GABPB1: variants seen among roughly 807,000 people sequenced by gnomAD.
GABPB1 encodes GA binding protein transcription factor subunit beta 1.
Under a neutral mutation model 45.9 loss-of-function variants are expected in GABPB1, and 15 were observed. The observed-to-expected ratio is 0.33, with a 90% CI of 0.22 to 0.50. GABPB1 has a LOEUF of 0.50. Among genes scored for constraint, GABPB1 ranks in the 20% least tolerant of loss-of-function variants. The pLI is 0.98. For missense variants in GABPB1, 252 were observed against 457.5 expected (o/e 0.55, Z 4.10); for synonymous variants, 143 against 154.4 (o/e 0.93, Z 0.55).
chr15:50,331,709 G>A (rs201319452), intron 1 of GABPB1, among the ~76,000 whole-genome samples: 1 of 152,270 alleles, frequency 6.6e-6, no homozygotes. Context: ...TGAAACAAGC[G>A]TACTAGTTAG....
At chr15:50,338,766 G>A (rs1439635324) in intron 1 of GABPB1, among the ~76,000 whole-genome samples, 6 of 152,100 alleles carry the variant, frequency 3.9e-5, no homozygotes, top group Non-Finnish European at 5.9e-5. Flanking sequence ...CACCACACCC[G>A]GCCTAAACCT....
chr15:50,289,686 A>AAAACTCAGC lies in GABPB1; in HGVS notation c.698-27_698-19dup. On this transcript the variant is annotated intron_variant, in intron 6 of 8. Coordinates refer to ENST00000380877, the MANE Select transcript of GABPB1 (RefSeq NM_016654.5). ...GGCCACTACTGGAAAAAAAAAAAAG[A>AAAACTCAGC]AAACTCAGCAAACATATGTAACGGT... 6.4e-7 allele frequency: 1 copy of AAAACTCAGC among 1,561,732 alleles called. No homozygotes were observed. The highest frequency in any genetic ancestry group is 8.7e-7 in the Non-Finnish European group (1 of 1,153,146).
intron 1 of GABPB1, chr15:50,353,286 T>A (rs1056512230): frequency 6.6e-6 from 1 of 152,190 alleles, no homozygotes; most frequent in South Asian, 2.1e-4. Context: ...AAAAAAAGTA[T>A]GGGAATCAAT....
intron 1 of GABPB1, among the ~76,000 whole-genome samples, chr15:50,329,427 G>GACTT (rs1490726197): frequency 6.6e-6 from 1 of 152,030 alleles, no homozygotes; most frequent in Admixed American, 6.6e-5. Context: ...TTCACATAAA[G>GACTT]ACTTACTGCC....
chr15:50,329,096 C>A (rs1020693325), intron 1 of GABPB1, among the ~76,000 whole-genome samples: 8 of 152,106 alleles, frequency 5.3e-5, no homozygotes, highest in East Asian at 1.9e-4. Context: ...GGTTTTGGCA[C>A]AAGAATGTTC....
chr15:50,301,513 GAC>G lies in GABPB1; in HGVS notation c.472-147_472-146del, dbSNP rs2046746245. 4.1e-6 allele frequency: 3 copies of G among 732,866 alleles called. No homozygotes were observed. In the South Asian group the frequency reaches 5.7e-5, roughly 14 times the overall value. The allele number at this position is 732,866 out of a possible 1,614,324, so 45.4% of individuals were successfully genotyped here. A position where few individuals can be genotyped will look rare whatever the true frequency, so the allele number is the denominator to read the frequency against. On this transcript the variant is annotated intron_variant, in intron 4 of 8. Coordinates refer to ENST00000380877, the MANE Select transcript of GABPB1 (RefSeq NM_016654.5). ...TGGAAATATTTGTCTAAGGTCCACT[GAC>G]AGTGTAGGGGCACATCATGGGTATA...
chr15:50,325,178 A>G (rs2047705854), intron 1 of GABPB1, among the ~76,000 whole-genome samples: 1 of 152,198 alleles, frequency 6.6e-6, no homozygotes. Context: ...AATTGTTTCC[A>G]TGAGGAAGAG....
chr15:50,282,560 G>GAAAAAGAAAAAAAAAAAAAA (rs2046013980), intron 8 of GABPB1, among the ~76,000 whole-genome samples: 1 of 88,992 alleles, frequency 1.1e-5, no homozygotes, highest in African/African-American at 3.8e-5. Context: ...CCTTAAAAAA[G>GAAAAAGAAAAAAAAAAAAAA]AAAAAAAAAA....
At chr15:50,282,002 T>A (rs2045992276) in intron 8 of GABPB1, among the ~76,000 whole-genome samples, 1 of 152,030 alleles carries the variant, frequency 6.6e-6, no homozygotes, top group Non-Finnish European at 1.5e-5. Flanking sequence ...AGGCATGAAT[T>A]ACCATGCCCA....
rs537844854 is a variant in GABPB1 at position 50,312,447 on chromosome 15, T to G, written c.1-2649A>C. On this transcript the variant is annotated intron_variant, in intron 1 of 8. Transcript: ENST00000380877. Reference sequence around the variant, plus strand: ...ACTCCTCAATCCTGCTTAAAGACGCTAAGATCTATAGAGATTACTGATCTC... The same window carrying G: ...ACTCCTCAATCCTGCTTAAAGACGCGAAGATCTATAGAGATTACTGATCTC... Among the ~76,000 whole-genome samples, 14 of 152,302 alleles carry G rather than the reference T, an allele frequency of 9.2e-5. No individual in the cohort carries two copies. The East Asian group carries it at 2.7e-3, about 29-fold the overall frequency.
chr15:50,277,480 C>T lies in GABPB1; in HGVS notation c.*1152G>A, dbSNP rs1305064680. 6.6e-6 allele frequency: 1 copy of T among 151,132 alleles called. No homozygotes were observed. The highest frequency in any genetic ancestry group is 2.4e-5 in the African/African-American group (1 of 41,164). 9.4% of individuals were successfully genotyped at this position (151,132 alleles called of 1,614,324 possible). ...GAACAGTCTGCCAGTGTTTAATGTC[C>T]ATACATTGTGGAATTCAACAATATT... On this transcript the variant is annotated 3_prime_UTR_variant, in exon 9 of 9. Coordinates refer to ENST00000380877, the MANE Select transcript of GABPB1 (RefSeq NM_016654.5).
chr15:50,292,106 G>T (rs187120245), intron 6 of GABPB1, among the ~76,000 whole-genome samples: 37 of 150,780 alleles, frequency 2.5e-4, no homozygotes, highest in Admixed American at 7.9e-4. Flanking sequence ...AGGCCAAGGC[G>T]GGCGGGTCAG....
chr15:50,296,069 A>G (rs1328195718), intron 6 of GABPB1, among the ~76,000 whole-genome samples: 2 of 152,192 alleles, frequency 1.3e-5, no homozygotes, highest in African/African-American at 4.8e-5. Context: ...TAAAGCCATA[A>G]TTCCTGAGTG....
At chr15:50,290,024 C>T (rs770575299) in intron 6 of GABPB1, among the ~76,000 whole-genome samples, 4 of 152,104 alleles carry the variant, frequency 2.6e-5, no homozygotes, top group Non-Finnish European at 5.9e-5. Context: ...CTGCCTTGAC[C>T]TCCCAAAGTG....
At chr15:50,288,804 A>T (rs2046249212) in intron 7 of GABPB1, among the ~76,000 whole-genome samples, 1 of 151,484 alleles carries the variant, frequency 6.6e-6, no homozygotes, top group Admixed American at 6.6e-5. Flanking sequence ...CCATATTCCT[A>T]CTACAAGTCC....
chr15:50,302,067 A>C (rs1595762655), intron 4 of GABPB1, among the ~76,000 whole-genome samples: 1 of 152,338 alleles, frequency 6.6e-6, no homozygotes, highest in Middle Eastern at 3.4e-3. Context: ...ATTGGGAACA[A>C]ACAGGCAAGA....
chr15:50,341,090 G>A (rs1237957134), intron 1 of GABPB1, among the ~76,000 whole-genome samples: 1 of 151,274 alleles, frequency 6.6e-6, no homozygotes, highest in Non-Finnish European at 1.5e-5. Context: ...TTTAAAATTT[G>A]TATATTTTAA....
chr15:50,351,508 G>A (rs2048823298), intron 1 of GABPB1: 1 of 152,236 alleles, frequency 6.6e-6, no homozygotes, highest in Non-Finnish European at 1.5e-5. Flanking sequence ...GAGCCTGAAA[G>A]GTGGAGCTTG....
Position 50,286,111 on chromosome 15 carries a change from C to T in GABPB1, c.956G>A (p.Cys319Tyr). The T allele has an allele frequency of 1.2e-6, 2 of 1,612,424 alleles. No homozygotes were observed. Among genetic ancestry groups the T allele is most frequent in the Non-Finnish European group, 8.5e-7 (1 of 1,179,152 alleles). ...ISEEPPAKRQCIEIIENRVES... is the reference protein window; with the variant it reads ...ISEEPPAKRQYIEIIENRVES... ...CACCCGGTTTTCAATTATTTCGATACATTGTCTCTTAGCTGGTGGTTCTTC... is the reference window on the plus strand; with the variant it reads ...CACCCGGTTTTCAATTATTTCGATATATTGTCTCTTAGCTGGTGGTTCTTC... Residue 319 changes from cysteine (C) to tyrosine (Y), a missense_variant, in exon 8 of 9, where the codon TGT (cysteine) becomes TAT (tyrosine). By Grantham distance (194) the Cys-to-Tyr change is radical. Around this residue, in one of 4 missense-constraint regions of GABPB1, gnomAD observed 193 missense variants for 259.9 expected, o/e 0.74. Transcript: ENST00000380877.
Sources: gnomAD v4.1 joint callset for allele counts (sites outside exome capture counted in the v4.1 genomes callset) on GRCh38, gnomAD v4.1.1 for gene constraint, gnomAD v4.1.1 regional missense constraint, MANE v1.5 for transcripts, NCBI Gene and HGNC (gene_info 2026-07-23, HGNC 2026-07-21) for gene names.